KIRREL3: variants seen among roughly 807,000 people sequenced by gnomAD.
KIRREL3 encodes the protein kin of IRRE-like protein 3.
In KIRREL3, 36 loss-of-function variants were observed where a neutral mutation model predicts 89.7. The observed-to-expected ratio is 0.40, with a 90% CI of 0.31 to 0.53. The LOEUF is 0.53. Among genes scored for constraint, KIRREL3 ranks in the 20% least tolerant of loss-of-function variants. The pLI is 0.49. For missense variants in KIRREL3, 864 were observed against 1,056.6 expected, an observed-to-expected ratio of 0.82 and a Z score of 2.53; for synonymous variants, 445 against 441.4, an observed-to-expected ratio of 1.01 and a Z score of -0.10.
In KIRREL3 at chr11:127,000,582, G is replaced by A; in HGVS notation, c.-73C>T. On this transcript the variant is annotated 5_prime_UTR_variant, in exon 1 of 17. Coordinates refer to ENST00000525144, the MANE Select transcript of KIRREL3 (RefSeq NM_032531.4). This position sits in a 1 kb window ranked among gnomAD's most constrained non-coding sequence, Gnocchi z 7.1. ...AGTTTCTCTTCCTTGGCGGCTCTCG[G>A]TGCTCAGCCTCCGCCGGTCCTCTCG... The A allele has an allele frequency of 2.7e-6, 4 of 1,504,316 alleles. No individual in the cohort carries two copies. The highest frequency in any genetic ancestry group is 3.6e-6 in the Non-Finnish European group (4 of 1,105,480). 93.2% of individuals were successfully genotyped at this position (1,504,316 alleles called of 1,614,324 possible).
At position 126,475,008 on chromosome 11, in the gene KIRREL3, G is replaced by T. The variant is rs373032409; in HGVS notation, c.434-1542C>A. On this transcript the variant is annotated intron_variant, in intron 4 of 16. Coordinates refer to ENST00000525144, the MANE Select transcript of KIRREL3 (RefSeq NM_032531.4). This position sits in a 1 kb window ranked among gnomAD's most constrained non-coding sequence, Gnocchi z 7.5. ...ATCCCTGTTTCCCTTACCCCAGGAG[G>T]AGCTGGGCCCACCAGCTCTGGAGGC... 1.4e-4 allele frequency among the ~76,000 whole-genome samples: 21 copies of T among 152,322 alleles called. No homozygotes were observed. Among genetic ancestry groups the T allele is most frequent in the African/African-American group, 4.8e-4 (20 of 41,582 alleles).
At position 126,430,482 on chromosome 11, in the gene KIRREL3, T is replaced by C. The variant is rs111325985; in HGVS notation, c.1696+937A>G. On this transcript the variant is annotated intron_variant, in intron 14 of 16. Coordinates refer to ENST00000525144, the MANE Select transcript of KIRREL3 (RefSeq NM_032531.4). The surrounding 1 kb of genome is among the most constrained non-coding windows in gnomAD (Gnocchi z 6.6). ...ATATATATGTGTATATATGCGTATG[T>C]GTATATATTTGTATGCTTCCCTATA... 2.5e-3 allele frequency among the ~76,000 whole-genome samples: 384 copies of C among 152,108 alleles called. No individual in the cohort carries two copies. Among genetic ancestry groups the C allele is most frequent in the African/African-American group, 3.6e-3 (151 of 41,458 alleles).
intron 1 of KIRREL3, among the ~76,000 whole-genome samples, chr11:126,937,677 A>G (rs1026148537): frequency 7.2e-5 from 11 of 152,122 alleles, no homozygotes; most frequent in Admixed American, 2.0e-4. Context: ...AGGCGGGTGG[A>G]TCACGAGGTC....
intron 2 of KIRREL3, among the ~76,000 whole-genome samples, chr11:126,539,808 G>A (rs1591703852): frequency 6.6e-6 from 1 of 152,202 alleles, no homozygotes; most frequent in African/African-American, 2.4e-5. Flanking sequence ...CACTGACTGA[G>A]CACTACCTAT....
At position 126,484,837 on chromosome 11, in the gene KIRREL3, C is replaced by T. The variant is rs1362903429; in HGVS notation, c.434-11371G>A. 9.5e-5 allele frequency among the ~76,000 whole-genome samples: 14 copies of T among 146,634 alleles called. No homozygotes were observed. Among genetic ancestry groups the T allele is most frequent in the East Asian group, 4.0e-4 (2 of 5,034 alleles). On this transcript the variant is annotated intron_variant, in intron 4 of 16. Transcript: ENST00000525144. This position sits in a 1 kb window ranked among gnomAD's most constrained non-coding sequence, Gnocchi z 5.2. ...GATTTTTTTTTTTTTTTTTCTGAGA[C>T]GGAGTCTCGCTCTTGTCACCCAGGC...
chr11:126,526,500 G>A lies in KIRREL3; in HGVS notation c.283+38C>T. On this transcript the variant is annotated intron_variant, in intron 3 of 16. Coordinates refer to ENST00000525144, the MANE Select transcript of KIRREL3 (RefSeq NM_032531.4). The surrounding 1 kb of genome is among the most constrained non-coding windows in gnomAD (Gnocchi z 5.7). ...GTGGATGGGTGAGTAAGGAAGTGAT[G>A]GCCCCAGGCCCACCCCAGGAGGTCT... The A allele has an allele frequency of 1.3e-6, 2 of 1,584,998 alleles. No homozygotes were observed. Among genetic ancestry groups the A allele is most frequent in the East Asian group, 2.3e-5 (1 of 44,098 alleles).
intron 1 of KIRREL3, among the ~76,000 whole-genome samples, chr11:126,888,124 T>A (rs1158369920): frequency 6.6e-6 from 1 of 152,176 alleles, no homozygotes; most frequent in African/African-American, 2.4e-5. Flanking sequence ...CAAAGAGTGA[T>A]ATAAACAAAC....
chr11:126,429,053 T>C lies in KIRREL3; in HGVS notation c.1806+126A>G. 2 of 635,986 alleles carry C rather than the reference T, an allele frequency of 3.1e-6. No individual in the cohort carries two copies. Among genetic ancestry groups the C allele is most frequent in the East Asian group, 2.8e-5 (1 of 36,208 alleles). The allele number at this position is 635,986 out of a possible 1,614,324, so 39.4% of individuals were successfully genotyped here. A position where few individuals can be genotyped will look rare whatever the true frequency, so the allele number is the denominator to read the frequency against. On this transcript the variant is annotated intron_variant, in intron 15 of 16. Transcript: ENST00000525144. The surrounding 1 kb of genome is among the most constrained non-coding windows in gnomAD (Gnocchi z 5.2). The stretch of plus-strand genomic sequence containing the variant: ...AGTGTGTGCCTCACCTATTGTGGGG[T>C]GGGCAGGGGGCATCTTGAACGCTGC...
rs1957017005 is a variant in KIRREL3 at position 126,474,698 on chromosome 11, A to T, written c.434-1232T>A. Among the ~76,000 whole-genome samples the T allele has an allele frequency of 6.6e-6, 1 of 152,188 alleles. No homozygotes were observed. The highest frequency in any genetic ancestry group is 1.5e-5 in the Non-Finnish European group (1 of 68,036). ...CCAGGAAGAGGGCCATCCGCGTCGG[A>T]GCACGGTCTCCGCAGTGCCCAGCAC... On this transcript the variant is annotated intron_variant, in intron 4 of 16. Coordinates refer to ENST00000525144, the MANE Select transcript of KIRREL3 (RefSeq NM_032531.4). The surrounding 1 kb of genome is among the most constrained non-coding windows in gnomAD (Gnocchi z 6.7).
intron 1 of KIRREL3, among the ~76,000 whole-genome samples, chr11:126,758,919 T>C (rs1949587769): frequency 6.6e-6 from 1 of 152,204 alleles, no homozygotes; most frequent in African/African-American, 2.4e-5. Context: ...GTTAGAGCAC[T>C]GATTTGGGAA....
chr11:126,927,256 A>G (rs896735400), intron 1 of KIRREL3, among the ~76,000 whole-genome samples: 3 of 152,220 alleles, frequency 2.0e-5, no homozygotes, highest in Non-Finnish European at 2.9e-5. Flanking sequence ...ACGCACGCAC[A>G]TGCATACATG....
intron 2 of KIRREL3, among the ~76,000 whole-genome samples, chr11:126,559,615 C>T (rs1034763211): frequency 6.6e-6 from 1 of 151,748 alleles, no homozygotes; most frequent in Non-Finnish European, 1.5e-5. Flanking sequence ...GGAGGTGACA[C>T]ATACACTGAG....
At position 126,571,703 on chromosome 11, in the gene KIRREL3, A is replaced by C. The variant is rs1391489040; in HGVS notation, c.56-8791T>G. ...ATTGCTAGTAAGTGCTGAGGTTAGT[A>C]AAGCTAATCATGAATGAGATTCTTT... On this transcript the variant is annotated intron_variant, in intron 1 of 16. Coordinates refer to ENST00000525144, the MANE Select transcript of KIRREL3 (RefSeq NM_032531.4). This position sits in a 1 kb window ranked among gnomAD's most constrained non-coding sequence, Gnocchi z 7.7. Among the ~76,000 whole-genome samples, 1 of 152,240 alleles carries C rather than the reference A, an allele frequency of 6.6e-6. No homozygotes were observed. The highest frequency in any genetic ancestry group is 1.5e-5 in the Non-Finnish European group (1 of 68,040).
Position 126,808,848 on chromosome 11 carries a change from C to T in KIRREL3, c.55+191607G>A, listed in dbSNP as rs1323051235. ...AGTTCTACAATTTGTCAGCTGGCAG[C>T]TTATTAAATACCCAAAACAAATGTT... On this transcript the variant is annotated intron_variant, in intron 1 of 16. Coordinates refer to ENST00000525144, the MANE Select transcript of KIRREL3 (RefSeq NM_032531.4). This position sits in a 1 kb window ranked among gnomAD's most constrained non-coding sequence, Gnocchi z 4.1. Among the ~76,000 whole-genome samples, 2 of 152,136 alleles carry T rather than the reference C, an allele frequency of 1.3e-5. No homozygotes were observed. Among genetic ancestry groups the T allele is most frequent in the Non-Finnish European group, 2.9e-5 (2 of 68,032 alleles).
chr11:126,832,175 A>C (rs904033595), intron 1 of KIRREL3, among the ~76,000 whole-genome samples: 3 of 152,116 alleles, frequency 2.0e-5, no homozygotes, highest in African/African-American at 7.2e-5. Flanking sequence ...AGTTATTCTC[A>C]CAGTTGACAG....
chr11:126,678,002 AG>A (rs1394807773), intron 1 of KIRREL3, among the ~76,000 whole-genome samples: 4 of 152,112 alleles, frequency 2.6e-5, no homozygotes, highest in African/African-American at 9.7e-5. Context: ...CTTCAGAATC[AG>A]GCCCTGTTAC....
At chr11:126,457,185 A>ATGTGTG (rs35883463) in intron 6 of KIRREL3, among the ~76,000 whole-genome samples, 2,620 of 142,982 alleles carry the variant, frequency 0.018, 33 homozygotes, top group Middle Eastern at 0.049. Context: ...AAGAGAGATT[A>ATGTGTG]TGTGTGTGTG....
chr11:126,589,282 G>A (rs960600067), intron 1 of KIRREL3, among the ~76,000 whole-genome samples: 3 of 152,240 alleles, frequency 2.0e-5, no homozygotes, highest in East Asian at 1.9e-4. Context: ...TGTTGGCAGC[G>A]TCTGCGTGCA....
rs141431380 is a variant in KIRREL3 at position 126,692,717 on chromosome 11, G to A, written c.56-129805C>T. Reference sequence around the variant, plus strand: ...CATAGATGAACCTTGAAGACATTACGCTAAGTGAAACAAGCCAGTCACAAA... The same window carrying A: ...CATAGATGAACCTTGAAGACATTACACTAAGTGAAACAAGCCAGTCACAAA... On this transcript the variant is annotated intron_variant, in intron 1 of 16. Coordinates refer to ENST00000525144, the MANE Select transcript of KIRREL3 (RefSeq NM_032531.4). Among the ~76,000 whole-genome samples the A allele has an allele frequency of 2.6e-3, 401 of 152,222 alleles. 6 individuals carry two copies. Among genetic ancestry groups the A allele is most frequent in the Non-Finnish European group, 6.6e-4 (45 of 68,020 alleles).
Sources: gnomAD v4.1 joint callset for allele counts (sites outside exome capture counted in the v4.1 genomes callset) on GRCh38, gnomAD v4.1.1 for gene constraint, Gnocchi (gnomAD v3.1) non-coding constraint, MANE v1.5 for transcripts, NCBI Gene and HGNC (gene_info 2026-07-23, HGNC 2026-07-21) for gene names.